TBPL2: variants seen among roughly 807,000 people sequenced by gnomAD.
TBPL2 encodes the protein TATA-box binding protein like 2.
Under a neutral mutation model 38.2 loss-of-function variants are expected in TBPL2, and 40 were observed. The observed-to-expected ratio is 1.05, with a 90% CI of 0.81 to 1.36. TBPL2 has a LOEUF of 1.36. TBPL2 is among the 40% of genes most tolerant of loss of function. The probability of loss-of-function intolerance (pLI) is 0.00; values close to 1 mark genes in which losing one functional copy is unlikely to be tolerated. For synonymous variants in TBPL2, 169 were observed against 171.7 expected (o/e 0.98, Z 0.12); for missense variants, 461 against 456.7 (o/e 1.01, Z -0.09).
At chr14:55,436,665 G>A (rs1302670079) in exon 2 of TBPL2, 1 of 1,614,124 alleles carries the variant, frequency 6.2e-7, no homozygotes, top group Non-Finnish European at 8.5e-7. Context: ...TCTCAGGAGA[G>A]GGCTGGACTG....
At position 55,433,309 on chromosome 14, in the gene TBPL2, C is replaced by CTTTTTT. The variant is rs71131269; in HGVS notation, c.788+315_788+320dup. On this transcript the variant is annotated intron_variant, in intron 4 of 6. Coordinates refer to ENST00000247219, the Ensembl canonical transcript of TBPL2. The stretch of plus-strand genomic sequence containing the variant: ...ACATCCAGCTACTTTTTAGATTTCT[C>CTTTTTT]TTTTTTTTTTTTTTTTTTTTTTTAA... Among the ~76,000 whole-genome samples, 126 of 119,884 alleles carry CTTTTTT rather than the reference C, an allele frequency of 1.1e-3. 2 individuals carry two copies. Among genetic ancestry groups the CTTTTTT allele is most frequent in the African/African-American group, 4.1e-3 (124 of 30,120 alleles). The allele number at this position is 119,884 out of a possible 152,430, so 78.6% of individuals were successfully genotyped here. A position where few individuals can be genotyped will look rare whatever the true frequency, so the allele number is the denominator to read the frequency against.
In TBPL2 at chr14:55,415,146, G is replaced by A. The variant is rs79685107; in HGVS notation, c.1052-691C>T. Among the ~76,000 whole-genome samples, 343 of 152,298 alleles carry A rather than the reference G, an allele frequency of 2.3e-3. 2 individuals are homozygous for A. The highest frequency in any genetic ancestry group is 7.5e-3 in the African/African-American group (312 of 41,568). On this transcript the variant is annotated intron_variant, in intron 6 of 6. Transcript: ENST00000247219. ...TCCAGCTTCCAAATTATGCAGGCAC[G>A]TTGTGCTAAGGGTCATGTACTTGTA...
At chr14:55,433,702 A>T (rs1433697325) in exon 4 of TBPL2, 2 of 1,614,068 alleles carry the variant, frequency 1.2e-6, no homozygotes, top group East Asian at 2.2e-5. Flanking sequence ...TCGGATCCTC[A>T]TTATGACAGC....
At chr14:55,426,267 C>CAA (rs201408961) in intron 5 of TBPL2, among the ~76,000 whole-genome samples, 41 of 128,394 alleles carry the variant, frequency 3.2e-4, no homozygotes, top group Non-Finnish European at 3.8e-4. Context: ...AACTCCATCT[C>CAA]AAAAAAAAAA....
intron 1 of TBPL2, among the ~76,000 whole-genome samples, chr14:55,439,632 TA>T (rs1886076610): frequency 1.6e-5 from 1 of 64,254 alleles, no homozygotes; most frequent in Non-Finnish European, 3.0e-5. Flanking sequence ...CCGTCTCTAC[TA>T]AAAAATACAA....
At chr14:55,439,634 A>C (rs1886076641) in intron 1 of TBPL2, among the ~76,000 whole-genome samples, 1 of 77,382 alleles carries the variant, frequency 1.3e-5, no homozygotes, top group Non-Finnish European at 2.6e-5. Flanking sequence ...GTCTCTACTA[A>C]AAAATACAAA....
chr14:55,430,132 T>C (rs1885901863), intron 4 of TBPL2, among the ~76,000 whole-genome samples: 1 of 152,108 alleles, frequency 6.6e-6, no homozygotes, highest in Non-Finnish European at 1.5e-5. Context: ...TAGGTATTTT[T>C]CAACTGTTAG....
intron 4 of TBPL2, among the ~76,000 whole-genome samples, chr14:55,433,309 CTTTTTT>C (rs71131269): frequency 0.016 from 1,931 of 119,878 alleles, 45 homozygotes; most frequent in African/African-American, 0.059. Flanking sequence ...TTAGATTTCT[CTTTTTT>C]TTTTTTTTTT....
At chr14:55,431,529 T>TAATTATTAA (rs1214729258) in intron 4 of TBPL2, among the ~76,000 whole-genome samples, 10 of 152,318 alleles carry the variant, frequency 6.6e-5, no homozygotes, top group African/African-American at 2.4e-4. Flanking sequence ...TTAATTAGGT[T>TAATTATTAA]TTCCCTGTTC....
intron 6 of TBPL2, among the ~76,000 whole-genome samples, chr14:55,422,940 T>C (rs574892206): frequency 6.6e-6 from 1 of 152,118 alleles, no homozygotes; most frequent in Admixed American, 6.5e-5. Flanking sequence ...TTCCCTCAAG[T>C]AGTTTTAAAA....
chr14:55,425,927 T>A (rs545133650), intron 5 of TBPL2, among the ~76,000 whole-genome samples: 1 of 152,202 alleles, frequency 6.6e-6, no homozygotes, highest in African/African-American at 2.4e-5. Context: ...GTCACCTAGA[T>A]CTTATTCATA....
chr14:55,435,961 T>G (rs1448294175), intron 2 of TBPL2, 27 bp from the exon 3 acceptor site: 14 of 1,381,102 alleles, frequency 1.0e-5, no homozygotes, highest in South Asian at 1.3e-5. Context: ...GTTTAGAAAC[T>G]TATATCAGAT....
chr14:55,415,409 G>A (rs1885653329), intron 6 of TBPL2, among the ~76,000 whole-genome samples: 1 of 152,150 alleles, frequency 6.6e-6, no homozygotes, highest in African/African-American at 2.4e-5. Context: ...CGGTGGTTAA[G>A]TTAAAGAATT....
chr14:55,421,075 A>AAG (rs1885736813), intron 6 of TBPL2, among the ~76,000 whole-genome samples: 1 of 151,458 alleles, frequency 6.6e-6, no homozygotes, highest in Admixed American at 6.6e-5. Flanking sequence ...AAAAAAAAAA[A>AAG]AAAGAAAAAA....
At chr14:55,425,477 C>A (rs911296976) in intron 5 of TBPL2, among the ~76,000 whole-genome samples, 72 of 152,184 alleles carry the variant, frequency 4.7e-4, no homozygotes, top group African/African-American at 1.6e-3. Flanking sequence ...GCTTTTAGAA[C>A]CATGGTTTTA....
At position 55,426,203 on chromosome 14, in the gene TBPL2, G is replaced by T. The variant is rs149204570; in HGVS notation, c.957-1950C>A. On this transcript the variant is annotated intron_variant, in intron 5 of 6. Transcript: ENST00000247219. ...AATCACTTGAACCCTGGGGGGTGGA[G>T]GTTGCAGTGAGCTGAAATCATGCCA... 1.2e-3 allele frequency among the ~76,000 whole-genome samples: 180 copies of T among 151,776 alleles called. 1 individual carries two copies. The highest frequency in any genetic ancestry group is 4.1e-3 in the African/African-American group (171 of 41,360).
In TBPL2 at chr14:55,414,462, A is replaced by G. The variant is rs368956670; in HGVS notation, c.1052-7T>C. ...TCAGAACGTTCTTTGGCACCTATAA[A>G]GAAATCCAGGTTTATATAATTTTTA... On this transcript the variant is annotated splice_polypyrimidine_tract_variant and splice_region_variant and intron_variant, in intron 6 of 6. Transcript: ENST00000247219. 24 of 1,591,322 alleles carry G rather than the reference A, an allele frequency of 1.5e-5. No individual in the cohort carries two copies. In the African/African-American group the frequency reaches 2.6e-4, roughly 17 times the overall value.
At chr14:55,435,922 G>C (rs185587534) in exon 3 of TBPL2, 2 of 1,573,446 alleles carry the variant, frequency 1.3e-6, no homozygotes, top group Non-Finnish European at 1.7e-6. Context: ...GGTTTACAGT[G>C]GAAACTATAT....
chr14:55,416,439 G>A (rs1885670642), intron 6 of TBPL2, among the ~76,000 whole-genome samples: 3 of 151,560 alleles, frequency 2.0e-5, no homozygotes, highest in Admixed American at 2.0e-4. Flanking sequence ...AAAAATAAAG[G>A]AAAAAAATAA....
Sources: gnomAD v4.1 joint callset for allele counts (sites outside exome capture counted in the v4.1 genomes callset) on GRCh38, gnomAD v4.1.1 for gene constraint, MANE v1.5 for transcripts, NCBI Gene and HGNC (gene_info 2026-07-23, HGNC 2026-07-21) for gene names.